The following CSMD1 variants were observed in gnomAD, a reference collection of about 807,000 sequenced individuals.
The protein encoded by CSMD1 is CUB and Sushi multiple domains 1, also known as CUB and sushi domain-containing protein 1.
A neutral mutation model predicts 417.5 loss-of-function variants in CSMD1; 213 were observed. That is an observed-to-expected ratio of 0.51 (90% confidence interval 0.46 to 0.57). CSMD1 has a LOEUF of 0.57. Ranked by LOEUF, CSMD1 falls within the 20% of genes least tolerant of loss-of-function variation. The pLI is 0.00. For missense variants in CSMD1, 6,923 were observed against 4,529.7 expected, an observed-to-expected ratio of 1.53 and a Z score of -15.17; for synonymous variants, 2,862 against 1,736.8, an observed-to-expected ratio of 1.65 and a Z score of -16.11.
chr8:4,486,140 T>A (rs868224323), intron 2 of CSMD1, among the ~76,000 whole-genome samples: 3 of 31,232 alleles, frequency 9.6e-5, no homozygotes, highest in African/African-American at 2.7e-4. Context: ...TATATATACA[T>A]ACATATATAT....
At chr8:3,714,715 C>T (rs963568194) in intron 6 of CSMD1, among the ~76,000 whole-genome samples, 1 of 152,024 alleles carries the variant, frequency 6.6e-6, no homozygotes, top group Non-Finnish European at 1.5e-5. Context: ...CCAGCCTGGG[C>T]CACACAGTGA....
chr8:4,422,827 C>G (rs561714897), intron 2 of CSMD1, among the ~76,000 whole-genome samples: 5 of 152,138 alleles, frequency 3.3e-5, no homozygotes, highest in Admixed American at 6.6e-5. Context: ...GAATTATACA[C>G]GATGATCAAA....
rs779541435 is a variant in CSMD1, at chr8:3,107,759, G to A, written c.6794C>T (p.Pro2265Leu). 1.6e-5 allele frequency: 26 copies of A among 1,591,350 alleles called. No homozygotes were observed. In the South Asian group the frequency reaches 2.5e-4, roughly 16 times the overall value. Reference sequence around the variant, plus strand: ...ATCCTCAGTAAGCATTTCTGCCTGTGGAACCGCTGGGGGAGGTTGACATTT... The same window carrying A: ...ATCCTCAGTAAGCATTTCTGCCTGTAGAACCGCTGGGGGAGGTTGACATTT... ...LKKCQPPPAVPQAEMLTEDDD... is the reference protein window; with the variant it reads ...LKKCQPPPAVLQAEMLTEDDD... The change falls in exon 45 of 70, where the codon CCA (proline) becomes CTA (leucine). Residue 2265 changes from proline to leucine, a missense_variant. Coordinates refer to ENST00000635120, the MANE Select transcript of CSMD1 (RefSeq NM_033225.6).
intron 5 of CSMD1, among the ~76,000 whole-genome samples, chr8:3,778,576 C>T (rs189963164): frequency 1.6e-4 from 24 of 152,276 alleles, no homozygotes; most frequent in Non-Finnish European, 2.6e-4. Context: ...CTGAGATTCT[C>T]TAGCAGAAAA....
intron 39 of CSMD1, among the ~76,000 whole-genome samples, chr8:3,153,166 T>A (rs2129036472): frequency 6.6e-6 from 1 of 152,130 alleles, no homozygotes; most frequent in African/African-American, 2.4e-5. Context: ...TGGCCATGAG[T>A]GTGACCTCTG....
At position 4,888,375 on chromosome 8, in the gene CSMD1, G is replaced by A. The variant is rs541888318; in HGVS notation, c.85+105957C>T. Among the ~76,000 whole-genome samples the A allele has an allele frequency of 9.5e-4, 145 of 151,868 alleles. 1 individual carries two copies. Among genetic ancestry groups the A allele is most frequent in the African/African-American group, 3.2e-3 (134 of 41,374 alleles). ...TTACATTTCCTTTTTTAAAAAATGA[G>A]GAGATATATGTATATTTTCTTATTT... On this transcript the variant is annotated intron_variant, in intron 1 of 69. Transcript: ENST00000635120.
intron 1 of CSMD1, among the ~76,000 whole-genome samples, chr8:4,719,346 G>A (rs576594052): frequency 1.3e-5 from 2 of 151,988 alleles, no homozygotes; most frequent in African/African-American, 4.8e-5. Context: ...TCTCTCTCAC[G>A]TGCCAATGCG....
At chr8:4,078,029 A>T (rs941405730) in intron 3 of CSMD1, among the ~76,000 whole-genome samples, 67 of 152,276 alleles carry the variant, frequency 4.4e-4, no homozygotes, top group African/African-American at 1.6e-3. Context: ...ATTTCAAGAA[A>T]TGCAATCCAC....
intron 3 of CSMD1, among the ~76,000 whole-genome samples, chr8:4,130,620 A>G (rs1377091130): frequency 1.3e-5 from 2 of 152,124 alleles, no homozygotes; most frequent in Non-Finnish European, 2.9e-5. Context: ...GTCTTCTACC[A>G]TTTAATTTGT....
intron 1 of CSMD1, among the ~76,000 whole-genome samples, chr8:4,919,679 G>C (rs1397105670): frequency 1.3e-5 from 2 of 152,148 alleles, no homozygotes; most frequent in Non-Finnish European, 2.9e-5. Context: ...TAACATAGGA[G>C]GTGTGAATCT....
intron 2 of CSMD1, among the ~76,000 whole-genome samples, chr8:4,449,087 T>C (rs1563186112): frequency 1.3e-5 from 2 of 152,200 alleles, no homozygotes; most frequent in South Asian, 4.1e-4. Context: ...CTAAGGAGAT[T>C]GAATAGCTTA....
intron 5 of CSMD1, among the ~76,000 whole-genome samples, chr8:3,840,070 A>G (rs911941434): frequency 1.8e-4 from 28 of 152,164 alleles, no homozygotes; most frequent in Admixed American, 2.6e-4. Flanking sequence ...AATATATAAT[A>G]GCTCTGCCTA....
chr8:4,103,676 G>A (rs1016108697), intron 3 of CSMD1, among the ~76,000 whole-genome samples: 2 of 152,046 alleles, frequency 1.3e-5, no homozygotes, highest in African/African-American at 4.8e-5. Flanking sequence ...ATTTTTACAT[G>A]ATTATAAACT....
rs1394471 is a variant in CSMD1, at chr8:4,172,946, C to G, written c.416-140847G>C. On this transcript the variant is annotated intron_variant, in intron 3 of 69. Coordinates refer to ENST00000635120, the MANE Select transcript of CSMD1 (RefSeq NM_033225.6). ...TTAACAGCAACTTACAGAAAAACCT[C>G]GAGGGCTGAGGCAGGCAGCTAAACC... 1.1e-4 allele frequency among the ~76,000 whole-genome samples: 16 copies of G among 152,194 alleles called. 1 individual carries two copies. Among genetic ancestry groups the G allele is most frequent in the Middle Eastern group, 3.4e-3 (1 of 294 alleles).
At chr8:3,631,446 G>A (rs1424687630) in intron 7 of CSMD1, among the ~76,000 whole-genome samples, 1 of 152,208 alleles carries the variant, frequency 6.6e-6, no homozygotes, top group East Asian at 1.9e-4. Flanking sequence ...ACATTTTGAG[G>A]TCAAGAATAG....
At chr8:4,131,034 G>A (rs1022884813) in intron 3 of CSMD1, among the ~76,000 whole-genome samples, 2 of 152,122 alleles carry the variant, frequency 1.3e-5, no homozygotes, top group Non-Finnish European at 2.9e-5. Context: ...ACTGGCTCAA[G>A]CGTGATTGGA....
At chr8:3,376,358 G>A (rs930314098) in intron 18 of CSMD1, among the ~76,000 whole-genome samples, 1 of 151,960 alleles carries the variant, frequency 6.6e-6, no homozygotes, top group Non-Finnish European at 1.5e-5. Context: ...TTTGAATTGG[G>A]AAGGAAAGCA....
rs917737025 is a variant in CSMD1, at chr8:4,435,965, C to T, written c.303-15900G>A. Among the ~76,000 whole-genome samples the T allele has an allele frequency of 5.3e-5, 8 of 152,280 alleles. No homozygotes were observed. The East Asian group carries it at 1.4e-3, about 26-fold the overall frequency. The stretch of plus-strand genomic sequence containing the variant: ...TACATTCTTAGCCTTTACATCCACA[C>T]ATCACCATCTACTTTTCTGTCACAA... On this transcript the variant is annotated intron_variant, in intron 2 of 69. Coordinates refer to ENST00000635120, the MANE Select transcript of CSMD1 (RefSeq NM_033225.6).
intron 1 of CSMD1, among the ~76,000 whole-genome samples, chr8:4,756,505 T>C (rs1012018560): frequency 2.0e-5 from 3 of 152,232 alleles, no homozygotes; most frequent in Non-Finnish European, 4.4e-5. Flanking sequence ...ATATTTGTTT[T>C]AACCCCATGC....
Sources: gnomAD v4.1 joint callset for allele counts (sites outside exome capture counted in the v4.1 genomes callset) on GRCh38, gnomAD v4.1.1 for gene constraint, MANE v1.5 for transcripts, NCBI Gene and HGNC (gene_info 2026-07-23, HGNC 2026-07-21) for gene names.